NUP155: variants seen among roughly 807,000 people sequenced by gnomAD.
NUP155 encodes the protein nucleoporin 155, also known as nuclear pore complex protein Nup155.
NUP155 carries 71 observed loss-of-function variants against 180.4 expected under a neutral mutation model. That is an observed-to-expected ratio of 0.39 (90% CI 0.33 to 0.48). The LOEUF (loss-of-function observed/expected upper bound fraction) is 0.48. Ranked by LOEUF, NUP155 falls within the 20% of genes least tolerant of loss-of-function variation. The pLI is 0.91. For missense variants in NUP155, 1,553 were observed against 1,648.9 expected (o/e 0.94, Z 1.01); for synonymous variants, 582 against 559.5 (o/e 1.04, Z -0.57).
chr5:37,340,360 G>A (rs1745631882), intron 11 of NUP155, among the ~76,000 whole-genome samples: 1 of 151,984 alleles, frequency 6.6e-6, no homozygotes, highest in South Asian at 2.1e-4. Context: ...TGGGAGGACA[G>A]CATGAGCCTG....
intron 11 of NUP155, among the ~76,000 whole-genome samples, chr5:37,338,936 A>G (rs1745534414): frequency 6.6e-6 from 1 of 152,162 alleles, no homozygotes; most frequent in Non-Finnish European, 1.5e-5. Context: ...GTATATAAAA[A>G]TGCCATGACT....
In NUP155 at chr5:37,342,728, A is replaced by G. The variant is rs565041187; in HGVS notation, c.996-82T>C. 8.7e-5 allele frequency: 84 copies of G among 961,916 alleles called. 1 individual carries two copies. The East Asian group carries it at 1.0e-3, about 12-fold the overall frequency. 59.6% of individuals were successfully genotyped at this position (961,916 alleles called of 1,614,324 possible). Reference sequence around the variant, plus strand: ...AAATATTTCCCATCAGAATGTTTACATATTTCCATATTTTCCTTTTTTTTT... The same window carrying G: ...AAATATTTCCCATCAGAATGTTTACGTATTTCCATATTTTCCTTTTTTTTT... On this transcript the variant is annotated intron_variant, in intron 9 of 34. Coordinates refer to ENST00000231498, the MANE Select transcript of NUP155 (RefSeq NM_153485.3).
chr5:37,316,441 A>C (rs948160396), intron 21 of NUP155, among the ~76,000 whole-genome samples: 1 of 152,062 alleles, frequency 6.6e-6, no homozygotes, highest in African/African-American at 2.4e-5. Flanking sequence ...GGGGGTTATT[A>C]TTTCATGGGT....
Position 37,292,879 on chromosome 5 carries a change from C to T in NUP155, c.4037G>A (p.Arg1346Lys). Residue 1346 changes from arginine to lysine, a missense_variant and splice_region_variant, in exon 34 of 35, where the codon AGG becomes AAG. Coordinates refer to ENST00000231498, the MANE Select transcript of NUP155 (RefSeq NM_153485.3). ...GATCCAATATTTAATTCATAAGTAC[C>T]TTTCACAATTTAAAACTTGGCTGGG... ...ENPSQVLNCE[R>K]RRFTNLCLDA... The T allele has an allele frequency of 6.3e-7, 1 of 1,579,282 alleles. No individual in the cohort carries two copies. Among genetic ancestry groups the T allele is most frequent in the Non-Finnish European group, 8.7e-7 (1 of 1,149,104 alleles).
chr5:37,342,453 T>C (rs573052636), intron 10 of NUP155, 96 bp downstream of exon 10: 51 of 772,894 alleles, frequency 6.6e-5, no homozygotes, highest in Admixed American at 3.4e-4. Context: ...ACGGCAGATA[T>C]AGAAGGAAAA....
chr5:37,365,738 A>AATATATATAT (rs1561818768), intron 1 of NUP155, among the ~76,000 whole-genome samples: 1 of 37,146 alleles, frequency 2.7e-5, no homozygotes, highest in Non-Finnish European at 4.6e-5. Context: ...AAAAAAAAAA[A>AATATATATAT]ATATATATAT....
At chr5:37,332,352 C>T (rs1179271505) in intron 13 of NUP155, among the ~76,000 whole-genome samples, 1 of 115,876 alleles carries the variant, frequency 8.6e-6, no homozygotes, top group African/African-American at 3.6e-5. Flanking sequence ...GACGGAGTCT[C>T]GTACTGTCTC....
At chr5:37,296,068 C>T (rs1439478461) in intron 32 of NUP155, among the ~76,000 whole-genome samples, 2 of 148,806 alleles carry the variant, frequency 1.3e-5, no homozygotes, top group African/African-American at 5.0e-5. Flanking sequence ...GGTCAGCCCC[C>T]CGCCCGGCCA....
At chr5:37,342,057 G>A (rs1745761572) in intron 10 of NUP155, among the ~76,000 whole-genome samples, 1 of 152,048 alleles carries the variant, frequency 6.6e-6, no homozygotes, top group African/African-American at 2.4e-5. Context: ...CTGGTTTTTT[G>A]AGAAAAGATC....
chr5:37,345,372 G>A (rs192705261), intron 9 of NUP155, among the ~76,000 whole-genome samples: 78 of 151,878 alleles, frequency 5.1e-4, no homozygotes, highest in African/African-American at 1.9e-3. Flanking sequence ...GCCAGATGTG[G>A]TGGCGCACGT....
intron 17 of NUP155, 134 bp from the exon 18 acceptor site, chr5:37,327,910 T>A: frequency 2.2e-6 from 2 of 924,790 alleles, no homozygotes; most frequent in Admixed American, 2.3e-5. Flanking sequence ...TAACCCAAGT[T>A]TGTGTATCTA....
chr5:37,354,271 C>T (rs889448101), intron 4 of NUP155, among the ~76,000 whole-genome samples: 16 of 151,016 alleles, frequency 1.1e-4, no homozygotes, highest in South Asian at 4.2e-4. Flanking sequence ...CTCAGCCTCC[C>T]GAGTAGGTGA....
intron 19 of NUP155, among the ~76,000 whole-genome samples, chr5:37,324,310 T>C (rs569140612): frequency 4.9e-4 from 75 of 152,264 alleles, no homozygotes; most frequent in Non-Finnish European, 9.1e-4. Context: ...AAAATACAAA[T>C]ACTAAGAAAA....
At chr5:37,310,812 T>A in intron 22 of NUP155, 69 bp from the exon 23 acceptor site, 1 of 1,246,460 alleles carries the variant, frequency 8.0e-7, no homozygotes, top group Non-Finnish European at 1.1e-6. Context: ...GAAATTATTT[T>A]AATAAATTAA....
chr5:37,349,808 T>C (rs773632638), intron 7 of NUP155, among the ~76,000 whole-genome samples: 4 of 152,176 alleles, frequency 2.6e-5, no homozygotes, highest in African/African-American at 7.2e-5. Flanking sequence ...AGCTAAGATA[T>C]ATTCTTTTTA....
chr5:37,300,605 T>TAA (rs1742808297), intron 30 of NUP155, among the ~76,000 whole-genome samples: 1 of 152,134 alleles, frequency 6.6e-6, no homozygotes, highest in African/African-American at 2.4e-5. Context: ...AAAGATAAGT[T>TAA]AGTTTTTCCA....
chr5:37,327,830 A>T, intron 17 of NUP155, 54 bp from the exon 18 acceptor site: 1 of 1,573,998 alleles, frequency 6.4e-7, no homozygotes, highest in African/African-American at 1.4e-5. Context: ...AGAACCCATA[A>T]ATCTCTTAAT....
At chr5:37,332,721 G>T (rs959107779) in intron 13 of NUP155, among the ~76,000 whole-genome samples, 1 of 152,136 alleles carries the variant, frequency 6.6e-6, no homozygotes, top group Non-Finnish European at 1.5e-5. Context: ...CACTGTGGGA[G>T]GATGAGGTGG....
chr5:37,366,289 T>G (rs190459711), intron 1 of NUP155, among the ~76,000 whole-genome samples: 1 of 152,056 alleles, frequency 6.6e-6, no homozygotes, highest in Non-Finnish European at 1.5e-5. Flanking sequence ...AACTGACATA[T>G]AAAACAATCT....
Sources: gnomAD v4.1 joint callset for allele counts (sites outside exome capture counted in the v4.1 genomes callset) on GRCh38, gnomAD v4.1.1 for gene constraint, MANE v1.5 for transcripts, NCBI Gene and HGNC (gene_info 2026-07-23, HGNC 2026-07-21) for gene names.